ORC3: variants seen among roughly 807,000 people sequenced by gnomAD.
ORC3 encodes homolog of latheo, Drosophila.
Under a neutral mutation model 100.7 loss-of-function variants are expected in ORC3, and 78 were observed. That is an observed-to-expected ratio of 0.77 (90% CI 0.65 to 0.94). The LOEUF (loss-of-function observed/expected upper bound fraction) is 0.94. Ranked by LOEUF, ORC3 falls within the 40% of genes least tolerant of loss-of-function variation. The probability of loss-of-function intolerance (pLI) is 0.00; values close to 1 mark genes in which losing one functional copy is unlikely to be tolerated. For synonymous variants in ORC3, 295 were observed against 289.3 expected, an observed-to-expected ratio of 1.02 and a Z score of -0.20; for missense variants, 789 against 823.9, an observed-to-expected ratio of 0.96 and a Z score of 0.52.
At chr6:87,640,201 GA>G (rs2128281168) in intron 13 of ORC3, among the ~76,000 whole-genome samples, 1 of 152,096 alleles carries the variant, frequency 6.6e-6, no homozygotes, top group South Asian at 2.1e-4. Flanking sequence ...TTGAAACCTG[GA>G]AAATAAAACA....
intron 7 of ORC3, 35 bp from the exon 8 acceptor site, chr6:87,612,052 AAT>A (rs772807701): frequency 1.3e-6 from 2 of 1,587,060 alleles, no homozygotes; most frequent in Non-Finnish European, 1.7e-6. Context: ...ATATTTGCTA[AAT>A]AAATTTCACT....
chr6:87,675,952 C>A, the ORC3 span: 1 of 1,593,474 alleles, frequency 6.3e-7, no homozygotes, highest in South Asian at 1.1e-5. Flanking sequence ...AGGTACTTGT[C>A]AATTACATTT....
At chr6:87,659,551 T>C (rs559237326) in intron 16 of ORC3, among the ~76,000 whole-genome samples, 4 of 152,100 alleles carry the variant, frequency 2.6e-5, no homozygotes, top group East Asian at 1.9e-4. Flanking sequence ...TTCCTAGTCA[T>C]TGGGGAGAAA....
intron 8 of ORC3, among the ~76,000 whole-genome samples, chr6:87,615,158 CAA>C (rs972840652): frequency 2.6e-5 from 4 of 152,164 alleles, no homozygotes; most frequent in African/African-American, 9.7e-5. Context: ...TGGTAGCAGG[CAA>C]AGAGAGAGAG....
intron 4 of ORC3, among the ~76,000 whole-genome samples, chr6:87,605,661 AAAG>A (rs1778279657): frequency 1.3e-5 from 2 of 152,140 alleles, no homozygotes; most frequent in South Asian, 2.1e-4. Context: ...AAAAAAAAAA[AAAG>A]AAGCTTTCAA....
intron 2 of ORC3, 97 bp from the exon 3 acceptor site, chr6:87,601,687 T>G (rs916621296): frequency 1.4e-6 from 1 of 703,868 alleles, no homozygotes. Context: ...AAAAAAAAAT[T>G]TCACTTCTGT....
intron 13 of ORC3, among the ~76,000 whole-genome samples, chr6:87,648,562 T>C (rs1319190172): frequency 1.3e-5 from 2 of 152,320 alleles, no homozygotes; most frequent in South Asian, 4.1e-4. Context: ...CTGTCTAGGT[T>C]CAAACCCCAG....
chr6:87,612,299 A>G (rs1275932880), intron 8 of ORC3, 51 bp downstream of exon 8: 3 of 1,299,980 alleles, frequency 2.3e-6, no homozygotes, highest in East Asian at 4.8e-5. Flanking sequence ...AAAACTGCCA[A>G]TAATAGATTG....
chr6:87,606,737 A>T (rs1319171503), intron 5 of ORC3, among the ~76,000 whole-genome samples: 2 of 151,980 alleles, frequency 1.3e-5, no homozygotes, highest in Admixed American at 1.3e-4. Flanking sequence ...TGTTGTTTGT[A>T]GAGATTGGGT....
intron 16 of ORC3, among the ~76,000 whole-genome samples, chr6:87,660,320 TG>T (rs1255453699): frequency 6.6e-6 from 1 of 152,250 alleles, no homozygotes; most frequent in African/African-American, 2.4e-5. Flanking sequence ...AGATTAGAAT[TG>T]TAGCATGTTA....
At chr6:87,635,442 A>T (rs770675154) in intron 12 of ORC3, among the ~76,000 whole-genome samples, 1 of 152,192 alleles carries the variant, frequency 6.6e-6, no homozygotes, top group African/African-American at 2.4e-5. Flanking sequence ...TTTAGCAGAG[A>T]AATTCTATAT....
chr6:87,634,792 A>G (rs1330313173), intron 11 of ORC3, 53 bp from the exon 12 acceptor site: 10 of 878,024 alleles, frequency 1.1e-5, no homozygotes, highest in Non-Finnish European at 1.9e-6. Flanking sequence ...TTGTATTATT[A>G]TGCTCTTTTA....
chr6:87,601,623 C>T (rs1295837908), intron 2 of ORC3, among the ~76,000 whole-genome samples, 161 bp from the exon 3 acceptor site: 1 of 151,658 alleles, frequency 6.6e-6, no homozygotes, highest in Non-Finnish European at 1.5e-5. Flanking sequence ...ACTGAGCCAA[C>T]ATCATGCCAC....
At chr6:87,593,815 G>A (rs1777221372) in intron 1 of ORC3, among the ~76,000 whole-genome samples, 1 of 152,194 alleles carries the variant, frequency 6.6e-6, no homozygotes, top group Admixed American at 6.5e-5. Flanking sequence ...TTCTGTCTGA[G>A]CCTCCCGAGT....
downstream of ORC3, among the ~76,000 whole-genome samples, chr6:87,668,191 C>T (rs1195873929): frequency 6.6e-6 from 1 of 152,168 alleles, no homozygotes; most frequent in East Asian, 1.9e-4. Context: ...AGGCTACTCA[C>T]TAACATACAA....
At chr6:87,606,958 G>A (rs1583023648) in intron 5 of ORC3, among the ~76,000 whole-genome samples, 2 of 152,050 alleles carry the variant, frequency 1.3e-5, no homozygotes. Context: ...GCCCTTAAAG[G>A]CATCTTTAAA....
intron 13 of ORC3, among the ~76,000 whole-genome samples, chr6:87,645,985 TTTTTTTTTTC>T (rs1354378191): frequency 1.0e-4 from 13 of 127,626 alleles, no homozygotes; most frequent in East Asian, 4.1e-4. Context: ...TTTTTTTTTC[TTTTTTTTTTC>T]TTTTTTTTTG....
At chr6:87,625,869 T>TG (rs1779866055) in intron 11 of ORC3, among the ~76,000 whole-genome samples, 3 of 152,272 alleles carry the variant, frequency 2.0e-5, no homozygotes, top group South Asian at 4.1e-4. Context: ...TTTTATAAGG[T>TG]TAAGGAAGGG....
At chr6:87,595,516 A>T (rs2128243512) in intron 2 of ORC3, 1 of 152,278 alleles carries the variant, frequency 6.6e-6, no homozygotes, top group South Asian at 2.1e-4. Context: ...AAAAGCTGAG[A>T]ATGAGTAGCA....
Sources: gnomAD v4.1 joint callset for allele counts (sites outside exome capture counted in the v4.1 genomes callset) on GRCh38, gnomAD v4.1.1 for gene constraint, MANE v1.5 for transcripts, NCBI Gene and HGNC (gene_info 2026-07-23, HGNC 2026-07-21) for gene names.